EDIL3: variants seen among roughly 807,000 people sequenced by gnomAD.
The protein encoded by EDIL3 is EGF-like repeat and discoidin I-like domain-containing protein 3.
A neutral mutation model predicts 67.4 loss-of-function variants in EDIL3; 37 were observed. The ratio of observed to expected loss-of-function variants is 0.55; its 90% CI spans 0.42 to 0.72. EDIL3 has a LOEUF of 0.72. EDIL3 is among the 30% of genes least tolerant of loss of function. The pLI is 0.00. For synonymous variants in EDIL3, 195 were observed against 196.3 expected, an observed-to-expected ratio of 0.99 and a Z score of 0.05; for missense variants, 527 against 586.3, an observed-to-expected ratio of 0.90 and a Z score of 1.04.
At chr5:84,009,538 C>T (rs1279768801) in intron 9 of EDIL3, among the ~76,000 whole-genome samples, 1 of 152,174 alleles carries the variant, frequency 6.6e-6, no homozygotes, top group African/African-American at 2.4e-5. Flanking sequence ...AAAACCTACA[C>T]GTGCTAACAT....
chr5:84,347,746 T>A (rs1437432219), intron 1 of EDIL3, among the ~76,000 whole-genome samples: 1 of 152,232 alleles, frequency 6.6e-6, no homozygotes, highest in East Asian at 1.9e-4. Context: ...GGTAGAGAGG[T>A]ATATCACTAG....
chr5:84,021,496 T>C (rs1465189235), intron 9 of EDIL3, among the ~76,000 whole-genome samples: 1 of 152,016 alleles, frequency 6.6e-6, no homozygotes, highest in East Asian at 1.9e-4. Context: ...TTAGTTTCCA[T>C]GTATATATAG....
At chr5:84,308,542 T>G (rs1746317722) in intron 1 of EDIL3, among the ~76,000 whole-genome samples, 1 of 152,232 alleles carries the variant, frequency 6.6e-6, no homozygotes, top group East Asian at 1.9e-4. Flanking sequence ...ATCTATTGTA[T>G]TTCAAGTTAA....
At chr5:84,034,651 C>T (rs1158180588) in intron 9 of EDIL3, among the ~76,000 whole-genome samples, 1 of 152,108 alleles carries the variant, frequency 6.6e-6, no homozygotes, top group African/African-American at 2.4e-5. Context: ...TATGGTTACA[C>T]CTTTCATAGA....
At chr5:84,197,877 G>A (rs980326) in intron 3 of EDIL3, among the ~76,000 whole-genome samples, 1,741 of 152,082 alleles carry the variant, frequency 0.011, 38 homozygotes, top group African/African-American at 0.04. Flanking sequence ...AGACATTTAA[G>A]CAAGAAATGG....
chr5:84,331,547 A>G (rs2112166264), intron 1 of EDIL3, among the ~76,000 whole-genome samples: 1 of 152,184 alleles, frequency 6.6e-6, no homozygotes, highest in Non-Finnish European at 1.5e-5. Flanking sequence ...GTAAAAGGAC[A>G]TGTTTGCTTT....
At chr5:84,144,479 C>T (rs1748258541) in intron 4 of EDIL3, among the ~76,000 whole-genome samples, 1 of 152,018 alleles carries the variant, frequency 6.6e-6, no homozygotes, top group Non-Finnish European at 1.5e-5. Flanking sequence ...TGCACAGACT[C>T]TCAAAGGAAC....
intron 6 of EDIL3, among the ~76,000 whole-genome samples, chr5:84,092,547 G>A (rs1452748596): frequency 2.0e-5 from 3 of 152,112 alleles, no homozygotes; most frequent in South Asian, 2.1e-4. Context: ...TGTATTTTAT[G>A]AGAAACAGTA....
At chr5:84,363,155 G>C (rs1196332334) in intron 1 of EDIL3, among the ~76,000 whole-genome samples, 1 of 151,970 alleles carries the variant, frequency 6.6e-6, no homozygotes, top group Non-Finnish European at 1.5e-5. Flanking sequence ...TAATGTCATT[G>C]CATTTTGGGT....
intron 5 of EDIL3, among the ~76,000 whole-genome samples, chr5:84,115,354 A>G (rs1245261873): frequency 6.6e-6 from 1 of 152,200 alleles, no homozygotes; most frequent in Non-Finnish European, 1.5e-5. Flanking sequence ...ATTATGATAT[A>G]TTATCAGTTT....
chr5:84,097,056 T>C (rs1339586515), intron 6 of EDIL3, among the ~76,000 whole-genome samples: 1 of 152,182 alleles, frequency 6.6e-6, no homozygotes, highest in Admixed American at 6.5e-5. Flanking sequence ...ACCTCTTTCT[T>C]TTGTAAATTG....
intron 1 of EDIL3, among the ~76,000 whole-genome samples, chr5:84,267,718 T>C (rs1027632950): frequency 4.6e-5 from 7 of 152,322 alleles, no homozygotes; most frequent in African/African-American, 1.7e-4. Context: ...TTTATGTATA[T>C]GCTCTCTTAC....
chr5:84,239,273 C>T (rs7701374), intron 2 of EDIL3, among the ~76,000 whole-genome samples: 117,853 of 152,044 alleles, frequency 0.78, 45,766 homozygotes, highest in East Asian at 0.95. Flanking sequence ...AATTTGATAA[C>T]GTATTTTAAA....
At chr5:84,141,916 TATATATACAC>T (rs1384418155) in intron 4 of EDIL3, among the ~76,000 whole-genome samples, 2 of 104,414 alleles carry the variant, frequency 1.9e-5, no homozygotes, top group Admixed American at 1.2e-4. Context: ...CATATATATA[TATATATACAC>T]ATATATATAT....
At chr5:84,198,779 A>C (rs894846474) in intron 3 of EDIL3, among the ~76,000 whole-genome samples, 2 of 152,058 alleles carry the variant, frequency 1.3e-5, no homozygotes, top group Non-Finnish European at 2.9e-5. Context: ...AGCAGCAGAC[A>C]TTTGGATCTG....
intron 1 of EDIL3, among the ~76,000 whole-genome samples, chr5:84,364,464 C>G (rs560308543): frequency 1.6e-4 from 24 of 152,228 alleles, no homozygotes; most frequent in Non-Finnish European, 2.6e-4. Context: ...TGTATATAAA[C>G]AATTGCAGTA....
intron 1 of EDIL3, among the ~76,000 whole-genome samples, chr5:84,274,746 C>CACACACACAG (rs968713862): frequency 6.6e-6 from 1 of 150,790 alleles, no homozygotes; most frequent in Admixed American, 6.7e-5. Flanking sequence ...CACACATACA[C>CACACACACAG]ACACACACAG....
intron 1 of EDIL3, among the ~76,000 whole-genome samples, chr5:84,324,599 A>C (rs915208927): frequency 6.6e-6 from 1 of 151,744 alleles, no homozygotes; most frequent in Non-Finnish European, 1.5e-5. Flanking sequence ...GAATAGAAAA[A>C]CACTACAGAA....
intron 9 of EDIL3, among the ~76,000 whole-genome samples, chr5:83,989,649 G>A (rs2112157663): frequency 6.6e-6 from 1 of 152,306 alleles, no homozygotes; most frequent in East Asian, 1.9e-4. Context: ...TTTAGGTGTG[G>A]TGGACAGAGA....
Sources: gnomAD v4.1 joint callset for allele counts (sites outside exome capture counted in the v4.1 genomes callset) on GRCh38, gnomAD v4.1.1 for gene constraint, MANE v1.5 for transcripts, NCBI Gene and HGNC (gene_info 2026-07-23, HGNC 2026-07-21) for gene names.